The following MYO16 variants were observed in gnomAD, a reference collection of about 807,000 sequenced individuals.
MYO16 encodes the protein unconventional myosin-XVI.
In MYO16, 94 loss-of-function variants were observed where a neutral mutation model predicts 205.3. The observed-to-expected ratio is 0.46, with a 90% CI of 0.39 to 0.54. MYO16 has a LOEUF of 0.54. MYO16 is among the 20% of genes least tolerant of loss of function. The pLI, the probability that MYO16 is intolerant of heterozygous loss-of-function variation, is 0.00. For missense variants in MYO16, 2,315 were observed against 2,387.5 expected (o/e 0.97, Z 0.63); for synonymous variants, 988 against 954.0 (o/e 1.04, Z -0.66).
chr13:108,938,586 C>A (rs1342112294), intron 16 of MYO16, among the ~76,000 whole-genome samples: 1 of 152,234 alleles, frequency 6.6e-6, no homozygotes, highest in African/African-American at 2.4e-5. Flanking sequence ...ACCTCCTACT[C>A]CAGGAGAGTG....
chr13:108,619,377 A>T (rs542887150), intron 1 of MYO16, among the ~76,000 whole-genome samples: 1 of 152,270 alleles, frequency 6.6e-6, no homozygotes, highest in East Asian at 1.9e-4. Context: ...TTAAATTTCA[A>T]ATATAAACAT....
At chr13:109,183,000 A>G (rs191934730) in intron 34 of MYO16, among the ~76,000 whole-genome samples, 1 of 152,212 alleles carries the variant, frequency 6.6e-6, no homozygotes, top group Non-Finnish European at 1.5e-5. Flanking sequence ...AATTCCACAC[A>G]CTGGCCCTTG....
At chr13:108,877,009 C>T (rs546475028) in intron 12 of MYO16, among the ~76,000 whole-genome samples, 6 of 152,134 alleles carry the variant, frequency 3.9e-5, no homozygotes, top group African/African-American at 7.2e-5. Flanking sequence ...TCAGCCCTCA[C>T]GCTTTCAAAA....
chr13:109,018,801 T>C lies in MYO16; in HGVS notation c.2596-910T>C, dbSNP rs12430214. Among the ~76,000 whole-genome samples the C allele has an allele frequency of 9.8e-3, 1,497 of 152,272 alleles. 15 individuals carry two copies. The highest frequency in any genetic ancestry group is 0.025 in the South Asian group (120 of 4,828). ...TGGGTGATGCGATGCCCCGCTCTGC[T>C]TCAGCTCACCCTCCATGGGCTGCAC... On this transcript the variant is annotated intron_variant, in intron 22 of 34. Coordinates refer to ENST00000457511, the MANE Select transcript of MYO16 (RefSeq NM_001198950.3).
intron 16 of MYO16, among the ~76,000 whole-genome samples, chr13:108,924,663 G>T (rs1367155438): frequency 2.0e-5 from 3 of 152,054 alleles, no homozygotes; most frequent in Middle Eastern, 3.2e-3. Flanking sequence ...TCTCTGTATT[G>T]CTAGCTAGGG....
At chr13:109,128,047 G>A (rs1227427928) in intron 31 of MYO16, among the ~76,000 whole-genome samples, 1 of 152,184 alleles carries the variant, frequency 6.6e-6, no homozygotes, top group African/African-American at 2.4e-5. Context: ...CTAGAAACAG[G>A]GATGCTCAAA....
At chr13:108,881,071 G>A (rs1290091800) in intron 12 of MYO16, among the ~76,000 whole-genome samples, 4 of 152,158 alleles carry the variant, frequency 2.6e-5, no homozygotes, top group Non-Finnish European at 1.5e-5. Context: ...ATACAGCCAG[G>A]TGTCCCTCTG....
chr13:109,008,228 T>G (rs1025548147), intron 21 of MYO16, among the ~76,000 whole-genome samples: 1 of 152,258 alleles, frequency 6.6e-6, no homozygotes, highest in African/African-American at 2.4e-5. Flanking sequence ...GGAAACTCCC[T>G]GAGTCAATAC....
At chr13:108,516,218 G>A in the MYO16 span, among the ~76,000 whole-genome samples, 10 of 151,978 alleles carry the variant, frequency 6.6e-5, no homozygotes, top group African/African-American at 1.9e-4. Context: ...CGCAATATTC[G>A]GGTGGGAGTG....
At chr13:108,856,253 T>C (rs560651692) in intron 11 of MYO16, among the ~76,000 whole-genome samples, 2 of 152,324 alleles carry the variant, frequency 1.3e-5, no homozygotes, top group African/African-American at 4.8e-5. Context: ...GAGCACAGAG[T>C]AATTCAATCA....
chr13:109,085,279 G>C (rs1888404027), intron 27 of MYO16, among the ~76,000 whole-genome samples: 1 of 152,204 alleles, frequency 6.6e-6, no homozygotes. Context: ...TTGTATTTTG[G>C]AGACTATTGA....
In MYO16 at chr13:108,661,992, C is replaced by A. The variant is rs550875815; in HGVS notation, c.29-3894C>A. Among the ~76,000 whole-genome samples, 9 of 152,242 alleles carry A rather than the reference C, an allele frequency of 5.9e-5. 1 individual carries two copies. The South Asian group carries it at 1.9e-3, about 32-fold the overall frequency. ...TATGGGGTGTTCCTTTGATGTAGTA[C>A]TCTCCCCATTTTCCTATGGATGTGA... On this transcript the variant is annotated intron_variant, in intron 1 of 34. Transcript: ENST00000457511.
chr13:108,568,672 A>G, the MYO16 span, among the ~76,000 whole-genome samples: 1 of 151,910 alleles, frequency 6.6e-6, no homozygotes, highest in African/African-American at 2.4e-5. Flanking sequence ...CCATGACAAA[A>G]GTTTTAAATT....
chr13:109,116,351 C>A (rs1875681105), intron 28 of MYO16, among the ~76,000 whole-genome samples: 1 of 152,110 alleles, frequency 6.6e-6, no homozygotes, highest in African/African-American at 2.4e-5. Flanking sequence ...ATGAAAAACC[C>A]ACCAGGGGAT....
chr13:108,895,471 A>G (rs1365293741), intron 14 of MYO16, among the ~76,000 whole-genome samples: 1 of 152,220 alleles, frequency 6.6e-6, no homozygotes, highest in Non-Finnish European at 1.5e-5. Context: ...TAGCATTTTA[A>G]TCTTGACTCA....
chr13:108,647,684 C>T (rs750116764), intron 1 of MYO16, among the ~76,000 whole-genome samples: 1 of 152,076 alleles, frequency 6.6e-6, no homozygotes, highest in Non-Finnish European at 1.5e-5. Context: ...GTACTAAATT[C>T]TCTTTATGTA....
intron 20 of MYO16, among the ~76,000 whole-genome samples, chr13:108,974,846 T>G (rs1884193123): frequency 6.6e-6 from 1 of 152,164 alleles, no homozygotes; most frequent in Non-Finnish European, 1.5e-5. Flanking sequence ...AACCAGAACT[T>G]TGTTTATAAA....
intron 12 of MYO16, among the ~76,000 whole-genome samples, chr13:108,882,811 A>G (rs1041453588): frequency 1.3e-5 from 2 of 152,218 alleles, no homozygotes; most frequent in Non-Finnish European, 1.5e-5. Flanking sequence ...TCTTAAAGAC[A>G]GCAGAATAAT....
intron 9 of MYO16, among the ~76,000 whole-genome samples, chr13:108,833,071 A>G (rs571581268): frequency 6.6e-6 from 1 of 152,252 alleles, no homozygotes; most frequent in African/African-American, 2.4e-5. Flanking sequence ...CTACTAAATT[A>G]TACTTAATTT....
Sources: gnomAD v4.1 joint callset for allele counts (sites outside exome capture counted in the v4.1 genomes callset) on GRCh38, gnomAD v4.1.1 for gene constraint, MANE v1.5 for transcripts, NCBI Gene and HGNC (gene_info 2026-07-23, HGNC 2026-07-21) for gene names.